ARPIN: variants seen among roughly 807,000 people sequenced by gnomAD.
ARPIN encodes actin related protein 2/3 complex inhibitor.
A neutral mutation model predicts 25.9 loss-of-function variants in ARPIN; 23 were observed. The observed-to-expected ratio is 0.89, with a 90% CI of 0.64 to 1.26. ARPIN has a LOEUF of 1.26. Ranked by LOEUF, ARPIN falls within the 50% of genes most tolerant of loss-of-function variation. The pLI is 0.00. For synonymous variants in ARPIN, 126 were observed against 131.4 expected (o/e 0.96, Z 0.28); for missense variants, 333 against 312.2 (o/e 1.07, Z -0.50).
chr15:89,906,515 G>A (rs552334227), intron 3 of ARPIN, among the ~76,000 whole-genome samples: 3 of 152,242 alleles, frequency 2.0e-5, no homozygotes, highest in Admixed American at 6.5e-5. Context: ...CCTGGGCTCA[G>A]CACCCTTCAC....
chr15:89,901,990 C>G lies in ARPIN; in HGVS notation c.673-187G>C, dbSNP rs78094889. Among the ~76,000 whole-genome samples the G allele has an allele frequency of 6.3e-3, 955 of 152,296 alleles. 17 individuals are homozygous for G. Among genetic ancestry groups the G allele is most frequent in the African/African-American group, 0.022 (921 of 41,558 alleles). ...TTGGACTGTTTTTCAGTCCAAGATT[C>G]GCTTTATGAAGACAAAAAGGAATCC... On this transcript the variant is annotated intron_variant, in intron 5 of 5. Coordinates refer to ENST00000357484, the MANE Select transcript of ARPIN (RefSeq NM_182616.4).
intron 5 of ARPIN, chr15:89,902,839 C>T: frequency 8.6e-7 from 1 of 1,160,154 alleles, no homozygotes; most frequent in Non-Finnish European, 1.1e-6. Context: ...GGCAAGGAGC[C>T]CAAACCAAAG....
chr15:89,903,952 G>A lies in ARPIN; in HGVS notation c.333C>T (p.Leu111=), dbSNP rs897617694. ...KVEAKGDTDR[L]TPEALKGLVN... is the part of the protein sequence containing the mutation. The stretch of plus-strand genomic sequence containing the variant: ...CCAGCCCCTTCAGCGCCTCGGGCGT[G>A]AGCCTGTCAGTGTCCCCCTTGGCTT... Residue 111 remains leucine, a synonymous_variant, in exon 4 of 6, where the codon CTC becomes CTT. Transcript: ENST00000357484. The A allele has an allele frequency of 1.9e-6, 3 of 1,609,768 alleles. No individual in the cohort carries two copies. Among genetic ancestry groups the A allele is most frequent in the African/African-American group, 1.3e-5 (1 of 75,042 alleles).
At chr15:89,906,120 C>A (rs1314702560) in intron 3 of ARPIN, among the ~76,000 whole-genome samples, 1 of 152,196 alleles carries the variant, frequency 6.6e-6, no homozygotes, top group Non-Finnish European at 1.5e-5. Context: ...TGCACCCCCA[C>A]TGACAGGTCC....
chr15:89,910,919 G>A, intron 1 of ARPIN, 100 bp from the exon 2 acceptor site: 1 of 1,366,532 alleles, frequency 7.3e-7, no homozygotes, highest in Non-Finnish European at 1.0e-6. Flanking sequence ...GCTGGGTACT[G>A]AGCAGCTCCT....
rs4932150 is a variant in ARPIN at position 89,895,958 on chromosome 15, G to A, written c.*5837C>T. ...GGCTGGAGTGCAGTGGCACAATCTT[G>A]GCTCACTGCAACCTCCGTCTCCCGG... On this transcript the variant is annotated 3_prime_UTR_variant, in exon 6 of 6. Transcript: ENST00000357484. 0.47 allele frequency: 71,177 copies of A among 152,222 alleles called. 16,882 individuals are homozygous for A. Among genetic ancestry groups the A allele is most frequent in the East Asian group, 0.6 (3,135 of 5,190 alleles). The allele number at this position is 152,222 out of a possible 1,614,324, so 9.4% of individuals were successfully genotyped here.
At position 89,898,181 on chromosome 15, in the gene ARPIN, G is replaced by A. The variant is rs948899546; in HGVS notation, c.*3614C>T. ...AAGCTCAGAGGATTTGCTTGGTTCT[G>A]TTTGAAGATACAAAATAACTGTAAT... is the stretch of plus-strand genomic sequence containing the variant. On this transcript the variant is annotated 3_prime_UTR_variant, in exon 6 of 6. Transcript: ENST00000357484. 6.6e-6 allele frequency: 1 copy of A among 151,978 alleles called. No individual in the cohort carries two copies. The highest frequency in any genetic ancestry group is 1.5e-5 in the Non-Finnish European group (1 of 67,990). The allele number at this position is 151,978 out of a possible 1,614,324, so 9.4% of individuals were successfully genotyped here.
Position 89,912,849 on chromosome 15 carries a change from C to G in ARPIN, c.-14G>C. On this transcript the variant is annotated 5_prime_UTR_variant, in exon 1 of 6. Coordinates refer to ENST00000357484, the MANE Select transcript of ARPIN (RefSeq NM_182616.4). Reference sequence around the variant, plus strand: ...GATGCGGCTCATTCTCCCGACCGCCCGGGCACCCCGGCACAGAGCCGGCGC... The same window carrying G: ...GATGCGGCTCATTCTCCCGACCGCCGGGGCACCCCGGCACAGAGCCGGCGC... 6.6e-7 allele frequency: 1 copy of G among 1,516,782 alleles called. No homozygotes were observed. Among genetic ancestry groups the G allele is most frequent in the Non-Finnish European group, 8.8e-7 (1 of 1,136,278 alleles). 94.0% of individuals were successfully genotyped at this position (1,516,782 alleles called of 1,614,324 possible).
chr15:89,909,225 G>A (rs1567197157), intron 2 of ARPIN, among the ~76,000 whole-genome samples: 1 of 152,128 alleles, frequency 6.6e-6, no homozygotes, highest in Non-Finnish European at 1.5e-5. Context: ...TAACAGAGGG[G>A]CAAGCACAGT....
intron 3 of ARPIN, 111 bp downstream of exon 3, chr15:89,908,169 A>C (rs1177984632): frequency 1.3e-6 from 2 of 1,520,448 alleles, no homozygotes; most frequent in Non-Finnish European, 1.8e-6. Flanking sequence ...CAGGGCTTCA[A>C]CATCAAGAGG....
chr15:89,912,610 C>G (rs1180293313), intron 1 of ARPIN, 134 bp downstream of exon 1: 1 of 1,348,562 alleles, frequency 7.4e-7, no homozygotes, highest in Admixed American at 4.1e-5. Flanking sequence ...ACTGGAGGGG[C>G]GGACTGAAGG....
intron 1 of ARPIN, 140 bp downstream of exon 1, chr15:89,912,604 G>GAGGGGCGGACTGA: frequency 7.4e-7 from 1 of 1,350,908 alleles, no homozygotes; most frequent in Non-Finnish European, 9.4e-7. Flanking sequence ...CGGCGGACTG[G>GAGGGGCGGACTGA]AGGGGCGGAC....
At chr15:89,902,700 T>C in intron 5 of ARPIN, 1 of 347,504 alleles carries the variant, frequency 2.9e-6, no homozygotes, top group East Asian at 1.4e-4. Context: ...TGAGACTCCA[T>C]CTCCCAAAAA....
chr15:89,906,972 G>GA lies in ARPIN; in HGVS notation c.301+1307dup, dbSNP rs952580194. Reference sequence around the variant, plus strand: ...TTTGTCTCAGACAGCAAAAGAAAAGGAAAAAAAAAAAGTCAAACTCAGCTG... The same window carrying GA: ...TTTGTCTCAGACAGCAAAAGAAAAGGAAAAAAAAAAAAGTCAAACTCAGCTG... On this transcript the variant is annotated intron_variant, in intron 3 of 5. Coordinates refer to ENST00000357484, the MANE Select transcript of ARPIN (RefSeq NM_182616.4). Among the ~76,000 whole-genome samples the GA allele has an allele frequency of 9.6e-3, 1,366 of 142,514 alleles. 29 individuals carry two copies. Among genetic ancestry groups the GA allele is most frequent in the Admixed American group, 0.052 (743 of 14,350 alleles). 93.5% of individuals were successfully genotyped at this position (142,514 alleles called of 152,430 possible).
rs1896988940 is a variant in ARPIN, at chr15:89,899,737, A to C, written c.*2058T>G. ...AGCAACTCGCCTCCAGCTGCTCGGC[A>C]GTCAAGTGACCTTTGAAACACAGAT... is the stretch of plus-strand genomic sequence containing the variant. On this transcript the variant is annotated 3_prime_UTR_variant, in exon 6 of 6. Transcript: ENST00000357484. 1 of 152,504 alleles carries C rather than the reference A, an allele frequency of 6.6e-6. No homozygotes were observed. The highest frequency in any genetic ancestry group is 1.5e-5 in the Non-Finnish European group (1 of 68,184). The allele number at this position is 152,504 out of a possible 1,614,324, so 9.4% of individuals were successfully genotyped here.
At chr15:89,905,432 C>A (rs988977974) in intron 3 of ARPIN, among the ~76,000 whole-genome samples, 13 of 152,090 alleles carry the variant, frequency 8.5e-5, no homozygotes, top group African/African-American at 3.1e-4. Context: ...TGCAGATAGA[C>A]CCCTTCCCCC....
rs1896920497 is a variant in ARPIN, at chr15:89,895,721, C to G, written c.*6074G>C. On this transcript the variant is annotated 3_prime_UTR_variant, in exon 6 of 6. Coordinates refer to ENST00000357484, the MANE Select transcript of ARPIN (RefSeq NM_182616.4). Reference sequence around the variant, plus strand: ...AAAGAAATATGTACTACTTTTGCAGCCAGAGTTCTGGGGTTTGCTTGTTTG... The same window carrying G: ...AAAGAAATATGTACTACTTTTGCAGGCAGAGTTCTGGGGTTTGCTTGTTTG... 1 of 152,224 alleles carries G rather than the reference C, an allele frequency of 6.6e-6. No homozygotes were observed. The highest frequency in any genetic ancestry group is 2.4e-5 in the African/African-American group (1 of 41,440). 9.4% of individuals were successfully genotyped at this position (152,224 alleles called of 1,614,324 possible).
At chr15:89,907,732 G>T (rs962612470) in intron 3 of ARPIN, among the ~76,000 whole-genome samples, 1 of 152,112 alleles carries the variant, frequency 6.6e-6, no homozygotes, top group Non-Finnish European at 1.5e-5. Context: ...GAAGACTATA[G>T]TGTGCTATGA....
chr15:89,901,511 C>T lies in ARPIN; in HGVS notation c.*284G>A, dbSNP rs1387536167. 1 of 471,670 alleles carries T rather than the reference C, an allele frequency of 2.1e-6. No individual in the cohort carries two copies. Among genetic ancestry groups the T allele is most frequent in the East Asian group, 3.8e-5 (1 of 26,038 alleles). 29.2% of individuals were successfully genotyped at this position (471,670 alleles called of 1,614,324 possible). A position where few individuals can be genotyped will look rare whatever the true frequency, so the allele number is the denominator to read the frequency against. On this transcript the variant is annotated 3_prime_UTR_variant, in exon 6 of 6. Transcript: ENST00000357484. ...CTGGGCAACATAGTGAGACCTCCATCTCTAATTTTTTTTTAAAGGGTCATC... is the reference window on the plus strand; with the variant it reads ...CTGGGCAACATAGTGAGACCTCCATTTCTAATTTTTTTTTAAAGGGTCATC...
Sources: allele counts gnomAD v4.1 joint callset (sites outside exome capture counted in the v4.1 genomes callset), GRCh38; gene constraint gnomAD v4.1.1; transcripts MANE v1.5; gene names NCBI Gene and HGNC (gene_info 2026-07-23, HGNC 2026-07-21).